Variants in RHBDF1 observed in about 807,000 individuals in gnomAD.
RHBDF1 encodes the protein inactive rhomboid protein 1.
In RHBDF1, 80 loss-of-function variants were observed where a neutral mutation model predicts 98.6. The observed-to-expected ratio is 0.81, with a 90% CI of 0.68 to 0.98. The LOEUF is 0.98. Among genes scored for constraint, RHBDF1 ranks in the 50% least tolerant of loss-of-function variants. The probability of loss-of-function intolerance (pLI) is 0.00; values close to 1 mark genes in which losing one functional copy is unlikely to be tolerated. For missense variants in RHBDF1, 1,116 were observed against 1,198.3 expected (o/e 0.93, Z 1.01); for synonymous variants, 512 against 486.8 (o/e 1.05, Z -0.68).
upstream of RHBDF1, chr16:74,079 G>T (rs554662781): frequency 9.1e-6 from 3 of 329,184 alleles, no homozygotes; most frequent in South Asian, 3.6e-4. Context: ...GGGGTGGAGG[G>T]TAACTCCACC....
At chr16:68,081 G>A (rs748506676) in intron 1 of RHBDF1, among the ~76,000 whole-genome samples, 1 of 152,010 alleles carries the variant, frequency 6.6e-6, no homozygotes, top group Non-Finnish European at 1.5e-5. Flanking sequence ...GACCACAGTC[G>A]GCCCCAGGAG....
rs755291522 is a variant in RHBDF1, at chr16:63,722, G to A, written c.327C>T (p.Cys109=). 3 of 1,613,644 alleles carry A rather than the reference G, an allele frequency of 1.9e-6. No homozygotes were observed. The highest frequency in any genetic ancestry group is 2.5e-6 in the Non-Finnish European group (3 of 1,180,000). Residue 109 remains cysteine, a synonymous_variant, in exon 4 of 18, where the codon TGC becomes TGT. Coordinates refer to ENST00000262316, the MANE Select transcript of RHBDF1 (RefSeq NM_022450.5). ...GCTTCAGCTTCCCGTAGCGCTGGCTGCAGTGACGGATGCTCTTGCGCTGCC... is the reference window on the plus strand; with the variant it reads ...GCTTCAGCTTCCCGTAGCGCTGGCTACAGTGACGGATGCTCTTGCGCTGCC... The part of the protein sequence containing the change: ...QKWQRKSIRH[C]SQRYGKLKPQ...
rs755574409 is a variant in RHBDF1, at chr16:62,866, C to T, written c.704G>A (p.Arg235Gln). 15 of 1,613,790 alleles carry T rather than the reference C, an allele frequency of 9.3e-6. No homozygotes were observed. The highest frequency in any genetic ancestry group is 3.3e-5 in the South Asian group (3 of 91,086). The change falls in exon 6 of 18, where the codon CGG becomes CAG. Residue 235 changes from arginine to glutamine, a missense_variant. Transcript: ENST00000262316. ...TGGAGTGAAGCTTCGACGCTGTGCCCGGCGAAAGGTGCCATCCCTAACGGA... is the reference window on the plus strand; with the variant it reads ...TGGAGTGAAGCTTCGACGCTGTGCCTGGCGAAAGGTGCCATCCCTAACGGA... ...GRSVRDGTFR[R>Q]AQRRSFTPAS...
intron 1 of RHBDF1, among the ~76,000 whole-genome samples, chr16:67,195 G>A (rs1897851940): frequency 6.6e-6 from 1 of 152,238 alleles, no homozygotes; most frequent in Non-Finnish European, 1.5e-5. Context: ...GAAGGCAGGT[G>A]GTGCTCGGCA....
intron 4 of RHBDF1, 119 bp from the exon 5 acceptor site, chr16:63,301 A>T: frequency 1.1e-6 from 1 of 881,038 alleles, no homozygotes. Context: ...GGGCCCCTGG[A>T]CAGCTCTATG....
At position 59,091 on chromosome 16, in the gene RHBDF1, C is replaced by G; in HGVS notation, c.2031G>C (p.Met677Ile). The change falls in exon 17 of 18, where the codon ATG becomes ATC. Residue 677 changes from methionine to isoleucine, a missense_variant. Coordinates refer to ENST00000262316, the MANE Select transcript of RHBDF1 (RefSeq NM_022450.5). ...GCTTCTCCAGGTCCCGCAGGACAGTCATCTGGAAGCAGATGGACACCAGGC... is the reference window on the plus strand; with the variant it reads ...GCTTCTCCAGGTCCCGCAGGACAGTGATCTGGAAGCAGATGGACACCAGGC... ...LHCLVSICFQMTVLRDLEKLA... is the reference protein window; with the variant it reads ...LHCLVSICFQITVLRDLEKLA... 6.2e-7 allele frequency: 1 copy of G among 1,613,612 alleles called. No individual in the cohort carries two copies. Among genetic ancestry groups the G allele is most frequent in the South Asian group, 1.1e-5 (1 of 91,082 alleles).
intron 11 of RHBDF1, 199 bp from the exon 12 acceptor site, chr16:60,738 GA>G (rs2141846793): frequency 1.7e-6 from 1 of 585,636 alleles, no homozygotes; most frequent in East Asian, 2.8e-5. Context: ...CTGAAAATCA[GA>G]AACAACCTCT....
chr16:70,337 T>C lies in RHBDF1; in HGVS notation c.-25+2176A>G, dbSNP rs1897939351. On this transcript the variant is annotated intron_variant, in intron 1 of 17. Transcript: ENST00000262316. Reference sequence around the variant, plus strand: ...GCAGGTGGGAGAGGCCCACATCCCCTGCACACGTCTGGCCAGAGGACAGAT... The same window carrying C: ...GCAGGTGGGAGAGGCCCACATCCCCCGCACACGTCTGGCCAGAGGACAGAT... Among the ~76,000 whole-genome samples the C allele has an allele frequency of 2.0e-5, 3 of 152,170 alleles. No individual in the cohort carries two copies. The South Asian group carries it at 6.2e-4, about 32-fold the overall frequency.
rs1243931162 is a variant in RHBDF1 at position 72,439 on chromosome 16, C to T, written c.-25+74G>A. On this transcript the variant is annotated intron_variant, in intron 1 of 17. Transcript: ENST00000262316. Reference sequence around the variant, plus strand: ...GCTCCGGCCCCGGGTGCTGAGGACTCGCCCCGCCCTCCGGACGCAGCCCCG... The same window carrying T: ...GCTCCGGCCCCGGGTGCTGAGGACTTGCCCCGCCCTCCGGACGCAGCCCCG... The T allele has an allele frequency of 2.6e-5, 16 of 617,590 alleles. No individual in the cohort carries two copies. The South Asian group carries it at 1.1e-3, about 41-fold the overall frequency. The allele number at this position is 617,590 out of a possible 1,614,324, so 38.3% of individuals were successfully genotyped here.
Position 62,564 on chromosome 16 carries a change from G to C in RHBDF1, c.927C>G (p.Ser309Arg), listed in dbSNP as rs560942763. The part of the protein sequence containing the change: ...ADLTGGALDR[S>R]ELERSHLMLP... ...GCATCAGGTGGCTGCGCTCAAGCTC[G>C]CTGCGGTCCAGGGCCCCGCCGGTGA... The change falls in exon 7 of 18, where the codon AGC becomes AGG. Residue 309 changes from serine (S) to arginine (R), a missense_variant. Coordinates refer to ENST00000262316, the MANE Select transcript of RHBDF1 (RefSeq NM_022450.5). 1.2e-6 allele frequency: 2 copies of C among 1,613,190 alleles called. No individual in the cohort carries two copies. The highest frequency in any genetic ancestry group is 4.5e-5 in the East Asian group (2 of 44,878).
At chr16:67,131 C>T (rs1230931824) in intron 1 of RHBDF1, among the ~76,000 whole-genome samples, 1 of 152,204 alleles carries the variant, frequency 6.6e-6, no homozygotes, top group African/African-American at 2.4e-5. Flanking sequence ...GGAGGGGCCA[C>T]CTCTGAGTCT....
chr16:58,525 A>C lies in RHBDF1; in HGVS notation c.2383T>G (p.Phe795Val). 6.2e-7 allele frequency: 1 copy of C among 1,614,066 alleles called. No homozygotes were observed. The highest frequency in any genetic ancestry group is 1.1e-5 in the South Asian group (1 of 91,090). ...TGGCAGCGTTTCCGGTACAGGTCGAACTTGCCAAAGCTGATGTAGGGCAAG... is the reference window on the plus strand; with the variant it reads ...TGGCAGCGTTTCCGGTACAGGTCGACCTTGCCAAAGCTGATGTAGGGCAAG... ...AFLPYISFGK[F>V]DLYRKRCQII... is the part of the protein sequence containing the mutation. The change falls in exon 18 of 18, where the codon TTC becomes GTC. Residue 795 changes from phenylalanine to valine, a missense_variant. Coordinates refer to ENST00000262316, the MANE Select transcript of RHBDF1 (RefSeq NM_022450.5).
chr16:60,925 G>A lies in RHBDF1; in HGVS notation c.1557+195C>T. 4.8e-6 allele frequency: 3 copies of A among 619,068 alleles called. No individual in the cohort carries two copies. In the South Asian group the frequency reaches 6.1e-5, roughly 13 times the overall value. The allele number at this position is 619,068 out of a possible 1,614,324, so 38.3% of individuals were successfully genotyped here. ...CCCAAATCAAAAGACCAAATCAGAT[G>A]ATGGTCTACGGGGCGAGGAGCTGGA... On this transcript the variant is annotated intron_variant, in intron 11 of 17. Transcript: ENST00000262316.
Position 58,181 on chromosome 16 carries a change from T to G in RHBDF1, c.*159A>C, listed in dbSNP as rs1596462117. 4 of 631,156 alleles carry G rather than the reference T, an allele frequency of 6.3e-6. No homozygotes were observed. Among genetic ancestry groups the G allele is most frequent in the South Asian group, 4.5e-5 (2 of 44,322 alleles). 39.1% of individuals were successfully genotyped at this position (631,156 alleles called of 1,614,324 possible). On this transcript the variant is annotated 3_prime_UTR_variant, in exon 18 of 18. Coordinates refer to ENST00000262316, the MANE Select transcript of RHBDF1 (RefSeq NM_022450.5). ...AATAAATGCCCGGCAGTACGAGGGG[T>G]TCAACAGAAGTGAACAAGGCACAAG... is the stretch of plus-strand genomic sequence containing the variant.
At chr16:62,342 C>T in intron 7 of RHBDF1, 196 bp downstream of exon 7, 1 of 803,354 alleles carries the variant, frequency 1.2e-6, no homozygotes, top group South Asian at 1.8e-5. Context: ...CTGTCCCATT[C>T]CACAGGCAAG....
chr16:73,957 A>T (rs1361398696), upstream of RHBDF1: 1 of 985,118 alleles, frequency 1.0e-6, no homozygotes, highest in African/African-American at 1.7e-5. Context: ...CCCTGCCCAT[A>T]TCCTTGTCCA....
At chr16:72,711 C>T (rs1178998720), upstream of RHBDF1, 1 of 983,320 alleles carries the variant, frequency 1.0e-6, no homozygotes, top group Non-Finnish European at 1.2e-6. Flanking sequence ...CAGGAATGCG[C>T]GCCGCCCGCC....
chr16:62,757 A>AC lies in RHBDF1; in HGVS notation c.795+17dup. 6.2e-7 allele frequency: 1 copy of AC among 1,613,904 alleles called. No homozygotes were observed. Among genetic ancestry groups the AC allele is most frequent in the Middle Eastern group, 1.6e-4 (1 of 6,062 alleles). On this transcript the variant is annotated intron_variant, in intron 6 of 17. Transcript: ENST00000262316. ...GGAAGGGAACGTGGGGTGGGGGGAC[A>AC]CCCCGGGCACTTCTTACCCGGGCAA...
Position 61,167 on chromosome 16 carries a change from G to A in RHBDF1, c.1510C>T (p.Arg504Cys), listed in dbSNP as rs1462609139. ...EREKHSACCV[R>C]NDRSGCVQTS... ...TGCACGCAGCCCGACCTGTCGTTGC[G>A]CACGCAGCAGGCGGAGTGCTTCTCG... is the stretch of plus-strand genomic sequence containing the variant. The change falls in exon 11 of 18, where the codon CGC becomes TGC. Residue 504 changes from arginine to cysteine, a missense_variant. Transcript: ENST00000262316. 1.3e-6 allele frequency: 2 copies of A among 1,539,958 alleles called. No homozygotes were observed. Among genetic ancestry groups the A allele is most frequent in the Non-Finnish European group, 1.7e-6 (2 of 1,145,176 alleles).
Sources: allele counts gnomAD v4.1 joint callset (sites outside exome capture counted in the v4.1 genomes callset), GRCh38; gene constraint gnomAD v4.1.1; transcripts MANE v1.5; gene names NCBI Gene and HGNC (gene_info 2026-07-23, HGNC 2026-07-21).